Variants in PPP3CA observed in about 807,000 individuals in gnomAD.
The protein encoded by PPP3CA is protein phosphatase 3 catalytic subunit alpha.
A neutral mutation model predicts 66.5 loss-of-function variants in PPP3CA; 14 were observed. The observed-to-expected ratio is 0.21, with a 90% CI of 0.14 to 0.33. PPP3CA has a LOEUF of 0.33. PPP3CA is among the 10% of genes least tolerant of loss of function. The pLI is 1.00. For missense variants in PPP3CA, 317 were observed against 639.5 expected (o/e 0.50, Z 5.44); for synonymous variants, 232 against 226.2 (o/e 1.03, Z -0.23).
chr4:101,316,299 T>C (rs1194827714), intron 1 of PPP3CA, among the ~76,000 whole-genome samples: 1 of 151,556 alleles, frequency 6.6e-6, no homozygotes, highest in Admixed American at 6.6e-5. Context: ...TATAATCAAA[T>C]TTTTCAAGCA....
intron 1 of PPP3CA, among the ~76,000 whole-genome samples, chr4:101,215,105 T>C (rs537737167): frequency 6.6e-6 from 1 of 152,080 alleles, no homozygotes; most frequent in East Asian, 1.9e-4. Flanking sequence ...CTGAATTGAG[T>C]GTACCTTGAG....
intron 1 of PPP3CA, among the ~76,000 whole-genome samples, chr4:101,200,458 T>C (rs540782086): frequency 1.3e-5 from 2 of 152,124 alleles, no homozygotes; most frequent in African/African-American, 2.4e-5. Flanking sequence ...CTGGGATGTA[T>C]AAAAATATGC....
intron 1 of PPP3CA, among the ~76,000 whole-genome samples, chr4:101,239,979 A>C (rs1164377563): frequency 1.4e-5 from 2 of 146,910 alleles, no homozygotes; most frequent in African/African-American, 2.6e-5. Flanking sequence ...CATTTGATTA[A>C]GGGGGTTTAA....
intron 1 of PPP3CA, among the ~76,000 whole-genome samples, chr4:101,313,220 G>A (rs542509112): frequency 6.6e-6 from 1 of 151,944 alleles, no homozygotes; most frequent in East Asian, 1.9e-4. Flanking sequence ...TGAGATGAGA[G>A]CTCACCATGT....
intron 1 of PPP3CA, among the ~76,000 whole-genome samples, chr4:101,331,796 TTAAAA>T (rs1347482549): frequency 5.3e-5 from 8 of 152,306 alleles, no homozygotes; most frequent in African/African-American, 1.9e-4. Flanking sequence ...AATTGGAGAC[TTAAAA>T]TAAGTTCAGT....
chr4:101,143,311 T>C (rs145284246), intron 2 of PPP3CA, among the ~76,000 whole-genome samples: 40 of 152,318 alleles, frequency 2.6e-4, no homozygotes, highest in African/African-American at 9.6e-4. Flanking sequence ...CCCTTTCTTC[T>C]ATTTCTAACT....
At chr4:101,245,515 T>C (rs1726449258) in intron 1 of PPP3CA, among the ~76,000 whole-genome samples, 1 of 152,184 alleles carries the variant, frequency 6.6e-6, no homozygotes, top group Admixed American at 6.5e-5. Context: ...TTTTATCCTC[T>C]AAAGTCATTG....
intron 1 of PPP3CA, among the ~76,000 whole-genome samples, chr4:101,218,108 A>ATTCC (rs1725510564): frequency 1.3e-5 from 2 of 152,108 alleles, no homozygotes; most frequent in African/African-American, 4.8e-5. Flanking sequence ...GGTCTTAATA[A>ATTCC]ACTTGATGGA....
intron 1 of PPP3CA, among the ~76,000 whole-genome samples, chr4:101,269,287 C>T (rs1727259819): frequency 1.3e-5 from 2 of 152,080 alleles, no homozygotes; most frequent in African/African-American, 4.8e-5. Context: ...ATGCCACTAT[C>T]CTCCTCAAAA....
intron 2 of PPP3CA, among the ~76,000 whole-genome samples, chr4:101,191,370 T>G (rs1349890050): frequency 1.3e-5 from 2 of 152,224 alleles, no homozygotes; most frequent in Non-Finnish European, 2.9e-5. Context: ...TTGGCTCTCA[T>G]GCAGTCACCT....
intron 2 of PPP3CA, among the ~76,000 whole-genome samples, chr4:101,144,269 C>T (rs1427921329): frequency 6.6e-6 from 1 of 152,084 alleles, no homozygotes; most frequent in Non-Finnish European, 1.5e-5. Context: ...TACTAAATAC[C>T]CTTTGGAATA....
At chr4:101,089,217 A>C (rs1237139862) in intron 6 of PPP3CA, among the ~76,000 whole-genome samples, 1 of 151,974 alleles carries the variant, frequency 6.6e-6, no homozygotes, top group Non-Finnish European at 1.5e-5. Flanking sequence ...TTCCTAGAGG[A>C]AAGTGTGAAG....
intron 1 of PPP3CA, among the ~76,000 whole-genome samples, chr4:101,318,852 C>T (rs1247423089): frequency 1.3e-5 from 2 of 152,080 alleles, no homozygotes; most frequent in Admixed American, 6.6e-5. Flanking sequence ...GCCCATTACA[C>T]ATTACCACTC....
At position 101,273,387 on chromosome 4, in the gene PPP3CA, C is replaced by T. The variant is rs183751177; in HGVS notation, c.58+73352G>A. ...GAGTGACAGAGTGATCGCGCAGTGG[C>T]GCAGGCTCTACTCACTGCAACCTCT... is the stretch of plus-strand genomic sequence containing the variant. On this transcript the variant is annotated intron_variant, in intron 1 of 13. Coordinates refer to ENST00000394854, the MANE Select transcript of PPP3CA (RefSeq NM_000944.5). 3.3e-3 allele frequency among the ~76,000 whole-genome samples: 500 copies of T among 152,024 alleles called. 3 individuals carry two copies. The highest frequency in any genetic ancestry group is 6.0e-3 in the Non-Finnish European group (407 of 67,972).
chr4:101,099,005 T>C (rs954766308), intron 4 of PPP3CA, among the ~76,000 whole-genome samples: 1 of 152,134 alleles, frequency 6.6e-6, no homozygotes, highest in Non-Finnish European at 1.5e-5. Context: ...AATATAGGAC[T>C]AAATGAAAGA....
At chr4:101,197,267 C>CA (rs1438498361) in intron 1 of PPP3CA, among the ~76,000 whole-genome samples, 1 of 152,076 alleles carries the variant, frequency 6.6e-6, no homozygotes, top group Non-Finnish European at 1.5e-5. Context: ...AGACCTATGC[C>CA]AAAAAATTGT....
chr4:101,283,767 G>C (rs1727754909), intron 1 of PPP3CA, among the ~76,000 whole-genome samples: 1 of 152,130 alleles, frequency 6.6e-6, no homozygotes, highest in Non-Finnish European at 1.5e-5. Context: ...ATTGTTATCT[G>C]ATAAATCCAG....
At chr4:101,040,702 G>A in intron 10 of PPP3CA, 136 bp from the exon 11 acceptor site, 1 of 639,554 alleles carries the variant, frequency 1.6e-6, no homozygotes, top group Non-Finnish European at 2.5e-6. Flanking sequence ...GGATTTATCT[G>A]TAAATCAAAT....
At chr4:101,311,801 G>A (rs575578965) in intron 1 of PPP3CA, among the ~76,000 whole-genome samples, 49 of 152,174 alleles carry the variant, frequency 3.2e-4, no homozygotes, top group African/African-American at 1.0e-3. Context: ...TGATACCATC[G>A]CTCAGTATGA....
Sources: allele counts gnomAD v4.1 joint callset (sites outside exome capture counted in the v4.1 genomes callset), GRCh38; gene constraint gnomAD v4.1.1; transcripts MANE v1.5; gene names NCBI Gene and HGNC (gene_info 2026-07-23, HGNC 2026-07-21).